Variants in UBN2 observed in about 807,000 individuals in gnomAD.
UBN2 encodes ubinuclein 2, also known as ubinuclein-2.
In UBN2, 35 loss-of-function variants were observed where a neutral mutation model predicts 120.2. The observed-to-expected ratio is 0.29, with a 90% confidence interval of 0.22 to 0.39. The LOEUF is 0.39. UBN2 is among the 10% of genes least tolerant of loss of function. UBN2 has a pLI of 1.00. For missense variants in UBN2, 1,693 were observed against 1,663.2 expected, an observed-to-expected ratio of 1.02 and a Z score of -0.31; for synonymous variants, 661 against 648.7, an observed-to-expected ratio of 1.02 and a Z score of -0.29.
At chr7:139,319,410 C>T in the UBN2 span, among the ~76,000 whole-genome samples, 8 of 152,250 alleles carry the variant, frequency 5.3e-5, no homozygotes, top group South Asian at 1.0e-3. Context: ...GCCACCCCAC[C>T]GTGCCTGTCT....
intron 15 of UBN2, among the ~76,000 whole-genome samples, chr7:139,287,603 G>A (rs999098822): frequency 7.3e-5 from 11 of 151,104 alleles, no homozygotes; most frequent in Admixed American, 7.2e-4. Context: ...CTCCCTCCTG[G>A]TTTTCTTCCT....
In UBN2 at chr7:139,284,305, A is replaced by G. The variant is rs1252327716; in HGVS notation, c.3400A>G (p.Thr1134Ala). The G allele has an allele frequency of 3.7e-6, 6 of 1,614,044 alleles. No individual in the cohort carries two copies. Among genetic ancestry groups the G allele is most frequent in the East Asian group, 2.2e-5 (1 of 44,898 alleles). Residue 1134 changes from threonine (T) to alanine (A), a missense_variant, in exon 15 of 18, where the codon ACT becomes GCT. Thr to Ala is a moderately conservative substitution (Grantham distance 58, BLOSUM62 0). Around this residue, in one of 5 missense-constraint regions of UBN2, gnomAD observed 837 missense variants for 817.6 expected, o/e 1.02. Transcript: ENST00000473989. Reference protein sequence around the residue: ...PTLNLLPSSRTSGLPPTKNLQ... With the variant: ...PTLNLLPSSRASGLPPTKNLQ... Reference sequence around the variant, plus strand: ...CTTGAATTTATTGCCCTCTAGTCGCACTTCAGGCCTTCCACCTACAAAAAA... The same window carrying G: ...CTTGAATTTATTGCCCTCTAGTCGCGCTTCAGGCCTTCCACCTACAAAAAA...
At position 139,300,445 on chromosome 7, in the gene UBN2, C is replaced by T. The variant is rs1798227119; in HGVS notation, c.*2609C>T. 6.6e-6 allele frequency: 1 copy of T among 152,136 alleles called. No individual in the cohort carries two copies. Among genetic ancestry groups the T allele is most frequent in the Non-Finnish European group, 1.5e-5 (1 of 68,028 alleles). 9.4% of individuals were successfully genotyped at this position (152,136 alleles called of 1,614,324 possible). On this transcript the variant is annotated 3_prime_UTR_variant, in exon 18 of 18. Coordinates refer to ENST00000473989, the MANE Select transcript of UBN2 (RefSeq NM_173569.4). ...GAAAAAGGTGCCCATACTTTATGGT[C>T]ACCTGTCTTTACCGTTTTTATTACT...
rs1475433754 is a variant in UBN2 at position 139,284,163 on chromosome 7, T to C, written c.3258T>C (p.Thr1086=). 2 of 1,614,150 alleles carry C rather than the reference T, an allele frequency of 1.2e-6. No individual in the cohort carries two copies. Among genetic ancestry groups the C allele is most frequent in the Non-Finnish European group, 1.7e-6 (2 of 1,180,020 alleles). The change falls in exon 15 of 18, where the codon ACT becomes ACC. Residue 1086 remains threonine (T), a synonymous_variant. Transcript: ENST00000473989. ...AATCCAACCCAACTCCCAAGCCTAC[T>C]GTATCCCCAAGTAGTTCCAGTCCAA... The part of the protein sequence containing the change: ...ISKSNPTPKP[T]VSPSSSSPNA...
Position 139,297,858 on chromosome 7 carries a change from C to T in UBN2, c.*22C>T, listed in dbSNP as rs753420760. 33 of 1,613,502 alleles carry T rather than the reference C, an allele frequency of 2.0e-5. No individual in the cohort carries two copies. The highest frequency in any genetic ancestry group is 2.5e-5 in the Non-Finnish European group (29 of 1,179,708). ...GTGACTGCCCAGCAAGCAAAGGAGACGAAATGTTTAGTTGACTGATGGAAT... is the reference window on the plus strand; with the variant it reads ...GTGACTGCCCAGCAAGCAAAGGAGATGAAATGTTTAGTTGACTGATGGAAT... On this transcript the variant is annotated 3_prime_UTR_variant, in exon 18 of 18. Transcript: ENST00000473989.
chr7:139,274,158 A>C, intron 11 of UBN2, 84 bp downstream of exon 11: 4 of 1,315,102 alleles, frequency 3.0e-6, no homozygotes, highest in Middle Eastern at 3.9e-4. Flanking sequence ...CACATATGTG[A>C]CATTGATTTT....
chr7:139,239,418 C>T (rs1796253153), intron 2 of UBN2, among the ~76,000 whole-genome samples: 1 of 152,048 alleles, frequency 6.6e-6, no homozygotes, highest in African/African-American at 2.4e-5. Context: ...TGGCATTTTA[C>T]ACAATTTCAA....
rs1797624950 is a variant in UBN2 at position 139,281,999 on chromosome 7, C to T, written c.2068-6C>T. ...TTCTTAACAGCTTGCTTATGTAATA[C>T]CTTAGGAGGTGATGGTAAAGACCCT... On this transcript the variant is annotated splice_region_variant and splice_polypyrimidine_tract_variant and intron_variant, in intron 13 of 17. Coordinates refer to ENST00000473989, the MANE Select transcript of UBN2 (RefSeq NM_173569.4). The T allele has an allele frequency of 6.2e-7, 1 of 1,612,876 alleles. No individual in the cohort carries two copies. Among genetic ancestry groups the T allele is most frequent in the African/African-American group, 1.3e-5 (1 of 74,868 alleles).
chr7:139,267,403 G>A (rs1173306133), intron 7 of UBN2, among the ~76,000 whole-genome samples: 2 of 152,002 alleles, frequency 1.3e-5, no homozygotes, highest in Middle Eastern at 3.2e-3. Context: ...AGGTGTGGTA[G>A]TGCACACCTA....
chr7:139,245,960 A>G (rs952906234), intron 2 of UBN2, among the ~76,000 whole-genome samples: 1 of 152,238 alleles, frequency 6.6e-6, no homozygotes, highest in East Asian at 1.9e-4. Flanking sequence ...AACTGGTGCC[A>G]TGTTAAGGGT....
At position 139,283,628 on chromosome 7, in the gene UBN2, C is replaced by T. The variant is rs754361078; in HGVS notation, c.2723C>T (p.Ser908Phe). The change falls in exon 15 of 18, where the codon TCT becomes TTT. Residue 908 changes from serine (S) to phenylalanine (F), a missense_variant. Ser to Phe is a radical substitution (Grantham distance 155). Coordinates refer to ENST00000473989, the MANE Select transcript of UBN2 (RefSeq NM_173569.4). ...SSSSQAQIAA[S>F]SHALGTSEAQ... is the part of the protein sequence containing the mutation. ...TCTTCCCAAGCCCAAATTGCTGCCTCTTCTCATGCTCTGGGAACATCCGAG... is the reference window on the plus strand; with the variant it reads ...TCTTCCCAAGCCCAAATTGCTGCCTTTTCTCATGCTCTGGGAACATCCGAG... The T allele has an allele frequency of 6.2e-7, 1 of 1,614,194 alleles. No individual in the cohort carries two copies. The highest frequency in any genetic ancestry group is 1.1e-5 in the South Asian group (1 of 91,092).
chr7:139,257,192 A>G (rs1437164403), intron 3 of UBN2, among the ~76,000 whole-genome samples: 1 of 152,162 alleles, frequency 6.6e-6, no homozygotes, highest in Non-Finnish European at 1.5e-5. Flanking sequence ...CTTTTTAGCC[A>G]TCTTTATCAG....
chr7:139,282,913 C>A, intron 14 of UBN2, 111 bp from the exon 15 acceptor site: 1 of 1,013,538 alleles, frequency 9.9e-7, no homozygotes, highest in Non-Finnish European at 1.4e-6. Flanking sequence ...CTGAAGATTT[C>A]CAGTAGAAAA....
chr7:139,258,096 C>T (rs1585000250), intron 3 of UBN2, among the ~76,000 whole-genome samples: 1 of 152,190 alleles, frequency 6.6e-6, no homozygotes, highest in Admixed American at 6.5e-5. Flanking sequence ...ATAAAATCTC[C>T]TTATGGTAGG....
At chr7:139,268,797 C>A (rs866597253) in intron 7 of UBN2, among the ~76,000 whole-genome samples, 1 of 152,066 alleles carries the variant, frequency 6.6e-6, no homozygotes, top group African/African-American at 2.4e-5. Context: ...TGTGCTTTAC[C>A]CAAAACCATA....
chr7:139,312,924 G>C (rs146803138), downstream of UBN2, among the ~76,000 whole-genome samples: 784 of 152,098 alleles, frequency 5.2e-3, 5 homozygotes, highest in African/African-American at 0.018. Context: ...TTAATTTGTG[G>C]TACCATTTTT....
chr7:139,282,120 A>C (rs530440787), intron 14 of UBN2, 65 bp downstream of exon 14: 1 of 1,479,630 alleles, frequency 6.8e-7, no homozygotes, highest in Admixed American at 1.7e-5. Context: ...GGGTTTGTTT[A>C]AGAAACTAAT....
chr7:139,325,297 T>C, the UBN2 span, among the ~76,000 whole-genome samples: 3 of 142,680 alleles, frequency 2.1e-5, no homozygotes, highest in Non-Finnish European at 4.5e-5. Flanking sequence ...AGACAGAGTC[T>C]TGCTCTGTCA....
At chr7:139,259,110 G>A (rs543447412) in intron 4 of UBN2, among the ~76,000 whole-genome samples, 157 bp from the exon 5 acceptor site, 48 of 152,306 alleles carry the variant, frequency 3.2e-4, no homozygotes, top group African/African-American at 1.1e-3. Context: ...GAAACCGGAG[G>A]TGAGAGTGCT....
Sources: gnomAD v4.1 joint callset for allele counts (sites outside exome capture counted in the v4.1 genomes callset) on GRCh38, gnomAD v4.1.1 for gene constraint, gnomAD v4.1.1 regional missense constraint, MANE v1.5 for transcripts, NCBI Gene and HGNC (gene_info 2026-07-23, HGNC 2026-07-21) for gene names.